Variants in CNTNAP2 observed in about 807,000 individuals in gnomAD.
CNTNAP2 encodes contactin-associated protein-like 2.
A neutral mutation model predicts 155.2 loss-of-function variants in CNTNAP2; 98 were observed. The observed-to-expected ratio is 0.63, with a 90% confidence interval of 0.54 to 0.75. The LOEUF (loss-of-function observed/expected upper bound fraction) is 0.75, where lower values mean the gene tolerates loss of function less well. CNTNAP2 is among the 30% of genes least tolerant of loss of function. CNTNAP2 has a pLI of 0.00. For synonymous variants in CNTNAP2, 651 were observed against 631.2 expected, an observed-to-expected ratio of 1.03 and a Z score of -0.47; for missense variants, 1,727 against 1,688.1, an observed-to-expected ratio of 1.02 and a Z score of -0.40.
intron 1 of CNTNAP2, among the ~76,000 whole-genome samples, chr7:146,550,401 GTTTTTTTTTTTTTTTT>G (rs10673467): frequency 3.7e-5 from 2 of 54,382 alleles, no homozygotes; most frequent in East Asian, 1.2e-3. Flanking sequence ...CCATTAATCT[GTTTTTTTTTTTTTTTT>G]TTTTTTTTTT....
chr7:146,369,062 T>A (rs1795196756), intron 1 of CNTNAP2, among the ~76,000 whole-genome samples: 1 of 144,222 alleles, frequency 6.9e-6, no homozygotes, highest in Non-Finnish European at 1.5e-5. Context: ...CATATATATA[T>A]ATACTCATAA....
At chr7:146,720,858 T>G (rs1801274809) in intron 1 of CNTNAP2, among the ~76,000 whole-genome samples, 1 of 140,680 alleles carries the variant, frequency 7.1e-6, no homozygotes, top group African/African-American at 2.6e-5. Context: ...CTAGAACCTA[T>G]GTAAACATAT....
chr7:148,123,785 T>G (rs899694178), intron 16 of CNTNAP2, among the ~76,000 whole-genome samples: 2 of 151,608 alleles, frequency 1.3e-5, no homozygotes, highest in African/African-American at 2.4e-5. Context: ...AGAAAACTAG[T>G]TTGCAGAAAA....
In CNTNAP2 at chr7:147,700,908, C is replaced by T. The variant is rs1458266785; in HGVS notation, c.2098+61602C>T. Among the ~76,000 whole-genome samples, 4 of 152,186 alleles carry T rather than the reference C, an allele frequency of 2.6e-5. No individual in the cohort carries two copies. The East Asian group carries it at 7.7e-4, about 29-fold the overall frequency. On this transcript the variant is annotated intron_variant, in intron 13 of 23. Coordinates refer to ENST00000361727, the MANE Select transcript of CNTNAP2 (RefSeq NM_014141.6). ...CTGGAACAGCCCTGCCAAGGGACTC[C>T]CTGTCGTGGACTAATTCTGGAGAGT...
chr7:146,759,565 C>T (rs538513390), intron 1 of CNTNAP2, among the ~76,000 whole-genome samples: 2 of 151,000 alleles, frequency 1.3e-5, no homozygotes, highest in Admixed American at 6.6e-5. Flanking sequence ...TGTGGTGGCA[C>T]ATGCCTGTAA....
chr7:146,668,008 T>C (rs915077188), intron 1 of CNTNAP2, among the ~76,000 whole-genome samples: 3 of 152,126 alleles, frequency 2.0e-5, no homozygotes, highest in Admixed American at 6.5e-5. Flanking sequence ...TAGTTCTATA[T>C]TGAGTGCAAG....
chr7:147,236,074 AC>A (rs921298805), intron 8 of CNTNAP2, among the ~76,000 whole-genome samples: 9 of 152,030 alleles, frequency 5.9e-5, no homozygotes, highest in African/African-American at 2.2e-4. Context: ...TATATACTTA[AC>A]CCCCAGTTAT....
chr7:147,628,745 A>C, intron 12 of CNTNAP2, among the ~76,000 whole-genome samples: 1 of 152,216 alleles, frequency 6.6e-6, no homozygotes, highest in East Asian at 1.9e-4. Context: ...CTAACACATA[A>C]GGACTCACAT....
chr7:147,512,001 C>G (rs1799031521), intron 11 of CNTNAP2, among the ~76,000 whole-genome samples: 1 of 152,094 alleles, frequency 6.6e-6, no homozygotes, highest in Non-Finnish European at 1.5e-5. Context: ...ATGTAATTAC[C>G]TTGACCAAAG....
At chr7:146,808,924 G>A (rs1803015416) in intron 2 of CNTNAP2, among the ~76,000 whole-genome samples, 1 of 152,132 alleles carries the variant, frequency 6.6e-6, no homozygotes, top group Admixed American at 6.5e-5. Context: ...ATGTGTTTGT[G>A]CTTGTGTGCA....
At chr7:148,017,727 A>T (rs1313258775) in intron 15 of CNTNAP2, among the ~76,000 whole-genome samples, 1 of 152,248 alleles carries the variant, frequency 6.6e-6, no homozygotes, top group Non-Finnish European at 1.5e-5. Flanking sequence ...TTAACAAGAA[A>T]TGCCCATCTA....
At chr7:148,179,638 AGAGAAAGAGT>A (rs1262264547) in intron 18 of CNTNAP2, among the ~76,000 whole-genome samples, 1 of 91,382 alleles carries the variant, frequency 1.1e-5, no homozygotes, top group African/African-American at 5.1e-5. Flanking sequence ...GGAGAGAAAG[AGAGAAAGAGT>A]GAGAAAGAGA....
rs1465812482 is a variant in CNTNAP2, at chr7:146,921,559, C to T, written c.402+81655C>T. Among the ~76,000 whole-genome samples, 6 of 152,038 alleles carry T rather than the reference C, an allele frequency of 3.9e-5. No homozygotes were observed. In the East Asian group the frequency reaches 1.2e-3, roughly 29 times the overall value. On this transcript the variant is annotated intron_variant, in intron 3 of 23. Coordinates refer to ENST00000361727, the MANE Select transcript of CNTNAP2 (RefSeq NM_014141.6). ...GAGGCCTCATAATCATGGTGGAAGGCAAAGGAGGAGCAGAGTCACGTTTTA... is the reference window on the plus strand; with the variant it reads ...GAGGCCTCATAATCATGGTGGAAGGTAAAGGAGGAGCAGAGTCACGTTTTA...
chr7:146,772,349 G>A (rs1389139868), intron 1 of CNTNAP2, among the ~76,000 whole-genome samples: 1 of 151,752 alleles, frequency 6.6e-6, no homozygotes, highest in Non-Finnish European at 1.5e-5. Context: ...TACAGCAGGG[G>A]TAGGATTGTT....
Position 147,851,009 on chromosome 7 carries a change from T to G in CNTNAP2, c.2099-52556T>G, listed in dbSNP as rs548166978. Among the ~76,000 whole-genome samples, 5 of 152,292 alleles carry G rather than the reference T, an allele frequency of 3.3e-5. No homozygotes were observed. In the South Asian group the frequency reaches 1.0e-3, roughly 32 times the overall value. ...CAACCTACAGAATGGGAAAAAATTT[T>G]TGCAATCTACCCATCTGACAAAGGG... is the stretch of plus-strand genomic sequence containing the variant. On this transcript the variant is annotated intron_variant, in intron 13 of 23. Coordinates refer to ENST00000361727, the MANE Select transcript of CNTNAP2 (RefSeq NM_014141.6).
At chr7:146,706,554 T>C (rs777834690) in intron 1 of CNTNAP2, among the ~76,000 whole-genome samples, 1 of 152,054 alleles carries the variant, frequency 6.6e-6, no homozygotes, top group Non-Finnish European at 1.5e-5. Flanking sequence ...CCGCTGAATG[T>C]CCAAAGTTTG....
In CNTNAP2 at chr7:148,414,722, T is replaced by G. The variant is rs538901074; in HGVS notation, c.3797-695T>G. 3 of 152,740 alleles carry G rather than the reference T, an allele frequency of 2.0e-5. No homozygotes were observed. The East Asian group carries it at 5.8e-4, about 29-fold the overall frequency. 9.5% of individuals were successfully genotyped at this position (152,740 alleles called of 1,614,324 possible). A position where few individuals can be genotyped will look rare whatever the true frequency, so the allele number is the denominator to read the frequency against. On this transcript the variant is annotated intron_variant, in intron 23 of 23. Coordinates refer to ENST00000361727, the MANE Select transcript of CNTNAP2 (RefSeq NM_014141.6). ...TTTTCAGGACAGAGCTAGAGTAGTC[T>G]TTATTCTAGGCCTATTTTAGCAAAC...
chr7:147,730,406 AT>A (rs1796718555), intron 13 of CNTNAP2, among the ~76,000 whole-genome samples: 1 of 152,058 alleles, frequency 6.6e-6, no homozygotes, highest in African/African-American at 2.4e-5. Flanking sequence ...CATTTTGATA[AT>A]TCTCCCAACA....
At chr7:148,346,687 G>A (rs1435315097) in intron 21 of CNTNAP2, among the ~76,000 whole-genome samples, 1 of 151,548 alleles carries the variant, frequency 6.6e-6, no homozygotes, top group Non-Finnish European at 1.5e-5. Context: ...CAGGAGAATT[G>A]CTTGAACCTG....
Sources: allele counts gnomAD v4.1 joint callset (sites outside exome capture counted in the v4.1 genomes callset), GRCh38; gene constraint gnomAD v4.1.1; transcripts MANE v1.5; gene names NCBI Gene and HGNC (gene_info 2026-07-23, HGNC 2026-07-21).